SORT1: variants seen among roughly 807,000 people sequenced by gnomAD.
SORT1 encodes sortilin 1.
A neutral mutation model predicts 101.7 loss-of-function variants in SORT1; 39 were observed. The ratio of observed to expected loss-of-function variants is 0.38; its 90% CI spans 0.30 to 0.50. The LOEUF (loss-of-function observed/expected upper bound fraction) is 0.50. Ranked by LOEUF, SORT1 falls within the 20% of genes least tolerant of loss-of-function variation. SORT1 has a pLI of 0.90. For missense variants in SORT1, 878 were observed against 1,040.4 expected (o/e 0.84, Z 2.15); for synonymous variants, 396 against 393.7 (o/e 1.01, Z -0.07).
chr1:109,354,024 G>C (rs769007622), intron 5 of SORT1, among the ~76,000 whole-genome samples: 9 of 152,110 alleles, frequency 5.9e-5, no homozygotes, highest in Non-Finnish European at 1.3e-4. Flanking sequence ...CATAGAAAAG[G>C]AACAATGACA....
At chr1:109,376,441 T>C (rs1186422085) in intron 1 of SORT1, among the ~76,000 whole-genome samples, 1 of 151,942 alleles carries the variant, frequency 6.6e-6, no homozygotes. Flanking sequence ...AAAAGACACA[T>C]GCACTATGTT....
chr1:109,367,881 C>T (rs912931296), intron 2 of SORT1, among the ~76,000 whole-genome samples: 5 of 152,206 alleles, frequency 3.3e-5, no homozygotes, highest in Admixed American at 6.5e-5. Flanking sequence ...TTCTCCTTGC[C>T]GTTGGTTCTT....
intron 1 of SORT1, among the ~76,000 whole-genome samples, chr1:109,379,963 A>G (rs1180089673): frequency 6.6e-6 from 1 of 152,154 alleles, no homozygotes; most frequent in East Asian, 1.9e-4. Flanking sequence ...ATTTAAATGT[A>G]AAAAAATTAA....
chr1:109,365,115 T>C (rs1043512676), intron 3 of SORT1, among the ~76,000 whole-genome samples: 1 of 152,234 alleles, frequency 6.6e-6, no homozygotes, highest in African/African-American at 2.4e-5. Flanking sequence ...AGATTACACG[T>C]GGCTGTATGG....
chr1:109,334,020 C>T (rs562403683), intron 11 of SORT1, among the ~76,000 whole-genome samples: 3 of 152,244 alleles, frequency 2.0e-5, no homozygotes, highest in African/African-American at 4.8e-5. Flanking sequence ...GTGGCACATG[C>T]CTGTAATCTC....
At chr1:109,351,937 T>A (rs911755419) in intron 5 of SORT1, among the ~76,000 whole-genome samples, 5 of 151,026 alleles carry the variant, frequency 3.3e-5, no homozygotes, top group Non-Finnish European at 7.4e-5. Flanking sequence ...CGGGATGACT[T>A]CTCCTGCAGG....
chr1:109,364,305 T>C (rs1428847551), intron 3 of SORT1, among the ~76,000 whole-genome samples: 1 of 152,172 alleles, frequency 6.6e-6, no homozygotes, highest in Non-Finnish European at 1.5e-5. Flanking sequence ...TTGATTGTCT[T>C]AAGTTGTTGA....
At chr1:109,355,656 C>CCA (rs1321675043) in intron 3 of SORT1, among the ~76,000 whole-genome samples, 187 bp from the exon 4 acceptor site, 2 of 129,308 alleles carry the variant, frequency 1.5e-5, no homozygotes, top group Non-Finnish European at 3.3e-5. Flanking sequence ...CCCCCCCCCC[C>CCA]ACAAACCCAC....
rs376081606 is a variant in SORT1 at position 109,351,014 on chromosome 1, T to C, written c.709-12A>G. ...ACCCACAGGCCATTCTGAAAGATTA[T>C]AAATGACTTATCAAAATTCTAGCTT... On this transcript the variant is annotated splice_polypyrimidine_tract_variant and intron_variant, in intron 5 of 19. Coordinates refer to ENST00000256637, the MANE Select transcript of SORT1 (RefSeq NM_002959.7). The C allele has an allele frequency of 3.2e-6, 5 of 1,563,672 alleles. No homozygotes were observed. The highest frequency in any genetic ancestry group is 4.4e-6 in the Non-Finnish European group (5 of 1,133,844).
At chr1:109,393,122 A>G in intron 1 of SORT1, 7 of 985,352 alleles carry the variant, frequency 7.1e-6, no homozygotes, top group Non-Finnish European at 8.4e-6. Context: ...AGGCACACTC[A>G]GTCCTGTCAG....
intron 1 of SORT1, among the ~76,000 whole-genome samples, chr1:109,375,523 G>A (rs150660336): frequency 0.031 from 3,082 of 100,804 alleles, 53 homozygotes; most frequent in Middle Eastern, 0.15. Context: ...CAGCCTGGGC[G>A]ACAGTGAGAC....
intron 1 of SORT1, among the ~76,000 whole-genome samples, chr1:109,381,973 T>C (rs552881390): frequency 2.6e-5 from 4 of 152,256 alleles, no homozygotes; most frequent in Non-Finnish European, 5.9e-5. Flanking sequence ...TTTATAGTTT[T>C]TCTAGAGTGC....
intron 15 of SORT1, among the ~76,000 whole-genome samples, chr1:109,321,763 T>G (rs762508232): frequency 1.3e-5 from 2 of 152,222 alleles, no homozygotes; most frequent in Non-Finnish European, 2.9e-5. Context: ...TCAGTATCTT[T>G]TGCAGGTAAC....
chr1:109,382,188 T>C (rs994695794), intron 1 of SORT1, among the ~76,000 whole-genome samples: 1 of 152,110 alleles, frequency 6.6e-6, no homozygotes, highest in African/African-American at 2.4e-5. Flanking sequence ...CAGGCTGGAG[T>C]GCAATGGCAT....
chr1:109,322,955 G>C lies in SORT1; in HGVS notation c.2001C>G (p.Leu667=). 1.2e-6 allele frequency: 2 copies of C among 1,613,770 alleles called. No individual in the cohort carries two copies. The highest frequency in any genetic ancestry group is 2.2e-5 in the East Asian group (1 of 44,890). The change falls in exon 15 of 20, where the codon CTC becomes CTG. Residue 667 remains leucine, a synonymous_variant. Transcript: ENST00000256637. ...YVVTKQPSIC[L]CSLEDFLCDF... is the part of the protein sequence containing the mutation. ...ACCAGAGAAAGTCCTCCAGGGAACAGAGGCAGATGGAGGGCTGCTTGGTCA... is the reference window on the plus strand; with the variant it reads ...ACCAGAGAAAGTCCTCCAGGGAACACAGGCAGATGGAGGGCTGCTTGGTCA...
intron 5 of SORT1, 118 bp downstream of exon 5, chr1:109,354,249 C>T: frequency 1.4e-6 from 1 of 723,946 alleles, no homozygotes; most frequent in Non-Finnish European, 2.2e-6. Flanking sequence ...TACTTCATGC[C>T]ATAAGGAGAC....
Position 109,327,091 on chromosome 1 carries a change from C to G in SORT1, c.1544G>C (p.Trp515Ser), listed in dbSNP as rs1251377606. The change falls in exon 13 of 20, where the codon TGG (tryptophan) becomes TCG (serine). Residue 515 changes from tryptophan (W) to serine (S), a missense_variant. Trp to Ser is a radical substitution (Grantham distance 177). Coordinates refer to ENST00000256637, the MANE Select transcript of SORT1 (RefSeq NM_002959.7). Reference protein sequence around the residue: ...VYISDDGGYSWTKMLEGPHYY... With the variant: ...VYISDDGGYSSTKMLEGPHYY... ...GTGGGGTCCTTCCAGCATCTTTGTC[C>G]AGGAGTAACCCCCATCATCTGAGAT... 1.2e-6 allele frequency: 2 copies of G among 1,613,118 alleles called. No homozygotes were observed. Among genetic ancestry groups the G allele is most frequent in the Non-Finnish European group, 1.7e-6 (2 of 1,179,758 alleles).
At chr1:109,351,145 C>A in intron 5 of SORT1, 143 bp from the exon 6 acceptor site, 1 of 687,078 alleles carries the variant, frequency 1.5e-6, no homozygotes, top group South Asian at 1.7e-5. Context: ...GCTCCACAGA[C>A]ACACACGTAG....
At chr1:109,348,398 A>C (rs570566188) in intron 6 of SORT1, among the ~76,000 whole-genome samples, 135 of 152,298 alleles carry the variant, frequency 8.9e-4, no homozygotes, top group African/African-American at 3.1e-3. Context: ...ACTAAACAAA[A>C]AAAAAAAAAC....
Sources: allele counts gnomAD v4.1 joint callset (sites outside exome capture counted in the v4.1 genomes callset), GRCh38; gene constraint gnomAD v4.1.1; transcripts MANE v1.5; gene names NCBI Gene and HGNC (gene_info 2026-07-23, HGNC 2026-07-21).